Variants in LHFPL2 observed in about 807,000 individuals in gnomAD.
The protein encoded by LHFPL2 is LHFPL tetraspan subfamily member 2 protein.
A neutral mutation model predicts 17.5 loss-of-function variants in LHFPL2; 7 were observed. The ratio of observed to expected loss-of-function variants is 0.40; its 90% CI spans 0.23 to 0.75. The LOEUF is 0.75. Among genes scored for constraint, LHFPL2 ranks in the 30% least tolerant of loss-of-function variants. The pLI is 0.37. For missense variants in LHFPL2, 241 were observed against 294.8 expected (o/e 0.82, Z 1.34); for synonymous variants, 134 against 116.2 (o/e 1.15, Z -0.99).
chr5:78,490,828 A>T (rs1754419394), intron 4 of LHFPL2, among the ~76,000 whole-genome samples: 1 of 152,012 alleles, frequency 6.6e-6, no homozygotes, highest in Non-Finnish European at 1.5e-5. Flanking sequence ...AACCTATGTA[A>T]TCAAGAATGC....
intron 3 of LHFPL2, among the ~76,000 whole-genome samples, chr5:78,545,384 C>T (rs927764636): frequency 1.3e-5 from 2 of 152,210 alleles, no homozygotes; most frequent in African/African-American, 4.8e-5. Context: ...GAAAACACTA[C>T]TTTCAGGAAG....
chr5:78,588,230 G>A (rs979968696), intron 2 of LHFPL2, among the ~76,000 whole-genome samples: 3 of 152,180 alleles, frequency 2.0e-5, no homozygotes, highest in African/African-American at 7.2e-5. Flanking sequence ...GAGTGCAGTG[G>A]TGCAATCATA....
chr5:78,509,611 CA>C lies in LHFPL2; in HGVS notation c.430+172del, dbSNP rs577450695. On this transcript the variant is annotated intron_variant, in intron 4 of 4. Transcript: ENST00000380345. ...TGGGGTAAGACAGGGGAAAGAGACC[CA>C]TGCGAGCAGCACACAAACGTCGCCT... is the stretch of plus-strand genomic sequence containing the variant. Among the ~76,000 whole-genome samples, 128 of 152,268 alleles carry C rather than the reference CA, an allele frequency of 8.4e-4. 1 individual carries two copies. The highest frequency in any genetic ancestry group is 2.9e-3 in the African/African-American group (122 of 41,546).
intron 4 of LHFPL2, among the ~76,000 whole-genome samples, chr5:78,491,954 G>T (rs186377465): frequency 2.2e-4 from 33 of 152,334 alleles, no homozygotes; most frequent in Admixed American, 1.4e-3. Context: ...ACAGAGGTTT[G>T]TTCAGCTGAG....
rs942781090 is a variant in LHFPL2 at position 78,485,696 on chromosome 5, A to C, written c.*3201T>G. On this transcript the variant is annotated 3_prime_UTR_variant, in exon 5 of 5. Transcript: ENST00000380345. ...TAGCATTAGCATGGTCTATAAAAGC[A>C]TGTTAAGAAATAGCTCCTCAGTGAT... is the stretch of plus-strand genomic sequence containing the variant. 6.6e-6 allele frequency: 1 copy of C among 152,654 alleles called. No homozygotes were observed. Among genetic ancestry groups the C allele is most frequent in the Admixed American group, 6.5e-5 (1 of 15,278 alleles). 9.5% of individuals were successfully genotyped at this position (152,654 alleles called of 1,614,324 possible).
chr5:78,572,479 T>TATGTATGTGTATATAC (rs1470654463), intron 2 of LHFPL2, among the ~76,000 whole-genome samples: 1 of 148,358 alleles, frequency 6.7e-6, no homozygotes, highest in Non-Finnish European at 1.5e-5. Flanking sequence ...TGTGTATATA[T>TATGTATGTGTATATAC]ATGTGTATAT....
chr5:78,591,782 C>T (rs1423673593), intron 2 of LHFPL2, among the ~76,000 whole-genome samples: 1 of 152,202 alleles, frequency 6.6e-6, no homozygotes, highest in African/African-American at 2.4e-5. Context: ...GCCATGGGGG[C>T]TGCAGAAACA....
intron 2 of LHFPL2, among the ~76,000 whole-genome samples, chr5:78,581,975 A>G (rs1386928541): frequency 6.6e-6 from 1 of 152,126 alleles, no homozygotes; most frequent in African/African-American, 2.4e-5. Context: ...AGATCCTGTT[A>G]TTGGTCTATT....
intron 3 of LHFPL2, among the ~76,000 whole-genome samples, chr5:78,535,387 C>T (rs775047051): frequency 5.9e-5 from 9 of 152,200 alleles, no homozygotes; most frequent in Non-Finnish European, 1.3e-4. Flanking sequence ...CATCTCACCC[C>T]CTGCTGCCTG....
At chr5:78,568,719 C>G (rs751711658) in intron 2 of LHFPL2, among the ~76,000 whole-genome samples, 1 of 152,128 alleles carries the variant, frequency 6.6e-6, no homozygotes, top group Non-Finnish European at 1.5e-5. Context: ...AAGTCAGGAT[C>G]ACAGAGGCCA....
At chr5:78,568,021 A>G (rs1190623435) in intron 2 of LHFPL2, among the ~76,000 whole-genome samples, 3 of 152,174 alleles carry the variant, frequency 2.0e-5, no homozygotes, top group Admixed American at 6.5e-5. Context: ...AATCACTGAG[A>G]AGACACTTCA....
chr5:78,585,886 C>T (rs968326993), intron 2 of LHFPL2, among the ~76,000 whole-genome samples: 9 of 152,234 alleles, frequency 5.9e-5, no homozygotes, highest in East Asian at 1.9e-4. Flanking sequence ...GGAGCCTGCC[C>T]GAGGTCCTGC....
intron 4 of LHFPL2, among the ~76,000 whole-genome samples, chr5:78,500,336 C>T (rs1004847015): frequency 2.0e-5 from 3 of 152,178 alleles, no homozygotes; most frequent in African/African-American, 7.2e-5. Flanking sequence ...CCCCTGAATC[C>T]TTGCACCACT....
intron 3 of LHFPL2, among the ~76,000 whole-genome samples, chr5:78,559,060 T>G (rs1343334046): frequency 6.6e-6 from 1 of 152,184 alleles, no homozygotes; most frequent in Non-Finnish European, 1.5e-5. Context: ...CTGCCCACCC[T>G]ACTCTCCCAA....
At chr5:78,552,752 TG>T (rs755412155) in intron 3 of LHFPL2, among the ~76,000 whole-genome samples, 43 of 152,378 alleles carry the variant, frequency 2.8e-4, no homozygotes, top group Admixed American at 8.5e-4. Context: ...ATTTGGGACT[TG>T]TTGGAATGAT....
At chr5:78,514,093 G>T (rs1396722716) in intron 3 of LHFPL2, among the ~76,000 whole-genome samples, 1 of 152,136 alleles carries the variant, frequency 6.6e-6, no homozygotes, top group Non-Finnish European at 1.5e-5. Context: ...TTAACCACAG[G>T]GATACGAGGC....
At chr5:78,547,985 G>A (rs1385821622) in intron 3 of LHFPL2, among the ~76,000 whole-genome samples, 2 of 152,264 alleles carry the variant, frequency 1.3e-5, no homozygotes, top group Admixed American at 6.5e-5. Flanking sequence ...AAGACTCCCA[G>A]CCTGAGTCAT....
At chr5:78,646,105 A>T (rs575825497) in intron 1 of LHFPL2, among the ~76,000 whole-genome samples, 1 of 152,246 alleles carries the variant, frequency 6.6e-6, no homozygotes, top group Non-Finnish European at 1.5e-5. Context: ...GCAACAGGAC[A>T]TGTAGCTTGG....
intron 3 of LHFPL2, among the ~76,000 whole-genome samples, chr5:78,559,625 T>A (rs574273252): frequency 5.3e-4 from 81 of 152,358 alleles, no homozygotes; most frequent in African/African-American, 1.7e-3. Context: ...TGTTAAATCT[T>A]GAATATCACT....
Sources: allele counts gnomAD v4.1 joint callset (sites outside exome capture counted in the v4.1 genomes callset), GRCh38; gene constraint gnomAD v4.1.1; transcripts MANE v1.5; gene names NCBI Gene and HGNC (gene_info 2026-07-23, HGNC 2026-07-21).